SLAIN2: variants seen among roughly 807,000 people sequenced by gnomAD.
SLAIN2 encodes the protein SLAIN motif-containing protein 2.
A neutral mutation model predicts 56.6 loss-of-function variants in SLAIN2; 31 were observed. The observed-to-expected ratio is 0.55, with a 90% CI of 0.41 to 0.74. SLAIN2 has a LOEUF of 0.74. Ranked by LOEUF, SLAIN2 falls within the 30% of genes least tolerant of loss-of-function variation. SLAIN2 has a pLI of 0.00. For synonymous variants in SLAIN2, 317 were observed against 284.9 expected (o/e 1.11, Z -1.13); for missense variants, 777 against 754.2 (o/e 1.03, Z -0.35).
At position 48,362,423 on chromosome 4, in the gene SLAIN2, C is replaced by CTT. The variant is rs557166143; in HGVS notation, c.390-7413_390-7412dup. The stretch of plus-strand genomic sequence containing the variant: ...TGTCTCTGTCTCCCTTTCTCTCTCT[C>CTT]TTTTTTTTTTTTTTGGACAGAGTCT... On this transcript the variant is annotated intron_variant, in intron 1 of 7. Transcript: ENST00000264313. Among the ~76,000 whole-genome samples the CTT allele has an allele frequency of 5.5e-3, 772 of 140,942 alleles. 14 individuals are homozygous for CTT. Among genetic ancestry groups the CTT allele is most frequent in the African/African-American group, 0.019 (715 of 38,232 alleles). 92.5% of individuals were successfully genotyped at this position (140,942 alleles called of 152,430 possible).
Position 48,341,583 on chromosome 4 carries a change from A to C in SLAIN2, c.-157A>C, listed in dbSNP as rs1714698819. On this transcript the variant is annotated 5_prime_UTR_variant, in exon 1 of 8. Transcript: ENST00000264313. ...TCGGCTGGGGCCAGCGGCGCTTTGG[A>C]ACCCGAGGTGGGGGGACCCTGGCGG... The C allele has an allele frequency of 1.7e-6, 2 of 1,196,336 alleles. No individual in the cohort carries two copies. The highest frequency in any genetic ancestry group is 2.2e-6 in the Non-Finnish European group (2 of 910,878). The allele number at this position is 1,196,336 out of a possible 1,614,324, so 74.1% of individuals were successfully genotyped here.
intron 5 of SLAIN2, 29 bp from the exon 6 acceptor site, chr4:48,383,618 A>T: frequency 6.8e-7 from 1 of 1,476,394 alleles, no homozygotes; most frequent in Non-Finnish European, 9.1e-7. Flanking sequence ...AAAGAATATG[A>T]TTTTTTTAAA....
intron 6 of SLAIN2, among the ~76,000 whole-genome samples, chr4:48,405,020 G>A (rs1314540519): frequency 5.9e-5 from 9 of 152,152 alleles, no homozygotes; most frequent in Admixed American, 5.9e-4. Context: ...GACTTTACTT[G>A]TTCTTTCATA....
At chr4:48,383,945 A>C in intron 6 of SLAIN2, 161 bp downstream of exon 6, 1 of 681,592 alleles carries the variant, frequency 1.5e-6, no homozygotes, top group South Asian at 2.7e-5. Context: ...ATGATAATCA[A>C]AGTTATATTA....
At chr4:48,371,084 GTTTTTGT>G (rs554782492) in intron 2 of SLAIN2, among the ~76,000 whole-genome samples, 323 of 150,108 alleles carry the variant, frequency 2.2e-3, no homozygotes, top group Non-Finnish European at 3.6e-3. Flanking sequence ...AAGCCCTTTT[GTTTTTGT>G]TTTTTGTTTT....
intron 1 of SLAIN2, among the ~76,000 whole-genome samples, chr4:48,366,748 C>G (rs404348): frequency 0.47 from 71,546 of 152,024 alleles, 17,907 homozygotes; most frequent in African/African-American, 0.64. Flanking sequence ...TGTTTTGCCA[C>G]GTTGGAGGCT....
intron 1 of SLAIN2, among the ~76,000 whole-genome samples, chr4:48,369,427 A>G (rs1208238967): frequency 6.6e-6 from 1 of 152,210 alleles, no homozygotes; most frequent in Non-Finnish European, 1.5e-5. Flanking sequence ...ACTAAAAGGA[A>G]TGAATCACTA....
chr4:48,412,770 G>A (rs922557754), intron 6 of SLAIN2, among the ~76,000 whole-genome samples: 3 of 152,088 alleles, frequency 2.0e-5, no homozygotes, highest in Non-Finnish European at 4.4e-5. Context: ...AGTCGTGTAC[G>A]TTAATGGAAG....
chr4:48,390,078 CTTTTTCTTTTTTT>C lies in SLAIN2; in HGVS notation c.1360+6300_1360+6312del, dbSNP rs1461926934. On this transcript the variant is annotated intron_variant, in intron 6 of 7. Transcript: ENST00000264313. ...TGGATGAATTTTGTTTTCTTTTTTT[CTTTTTCTTTTTTT>C]TTTTTTTCCTGAGACTCTGTCTCCC... is the stretch of plus-strand genomic sequence containing the variant. 1.3e-4 allele frequency among the ~76,000 whole-genome samples: 17 copies of C among 131,290 alleles called. 1 individual carries two copies. In the South Asian group the frequency reaches 3.7e-3, roughly 28 times the overall value. 86.1% of individuals were successfully genotyped at this position (131,290 alleles called of 152,430 possible). A position where few individuals can be genotyped will look rare whatever the true frequency, so the allele number is the denominator to read the frequency against.
intron 3 of SLAIN2, 150 bp from the exon 4 acceptor site, chr4:48,379,540 C>A: frequency 1.6e-6 from 1 of 614,554 alleles, no homozygotes; most frequent in Non-Finnish European, 2.4e-6. Context: ...TTAATGAGGT[C>A]AATTTCTAAT....
In SLAIN2 at chr4:48,422,499, A is replaced by T. The variant is rs1439670776; in HGVS notation, c.*422A>T. On this transcript the variant is annotated 3_prime_UTR_variant, in exon 8 of 8. Transcript: ENST00000264313. ...ATTCAACCTAATTTACTGTATAAATAGTATCAATAAATATTTGTGTTAATG... is the reference window on the plus strand; with the variant it reads ...ATTCAACCTAATTTACTGTATAAATTGTATCAATAAATATTTGTGTTAATG... The T allele has an allele frequency of 6.2e-6, 1 of 160,538 alleles. No homozygotes were observed. The highest frequency in any genetic ancestry group is 1.4e-5 in the Non-Finnish European group (1 of 73,096). The allele number at this position is 160,538 out of a possible 1,614,324, so 9.9% of individuals were successfully genotyped here.
At chr4:48,408,173 A>G (rs1302213590) in intron 6 of SLAIN2, among the ~76,000 whole-genome samples, 1 of 152,040 alleles carries the variant, frequency 6.6e-6, no homozygotes, top group East Asian at 1.9e-4. Context: ...TACATCAGAA[A>G]AAATAAAATA....
intron 2 of SLAIN2, among the ~76,000 whole-genome samples, chr4:48,377,018 G>T (rs1458144368): frequency 6.7e-6 from 1 of 148,932 alleles, no homozygotes; most frequent in Admixed American, 6.7e-5. Flanking sequence ...TTGAAAAGGC[G>T]ATTTAAACAA....
Position 48,383,678 on chromosome 4 carries a change from C to A in SLAIN2, c.1254C>A (p.Ser418=). The part of the protein sequence containing the change: ...EKLRRSLPNL[S]RTSNTQVDSV... ...TAAGACGCAGTCTTCCAAACCTGTC[C>A]CGAACATCTAATACACAAGTTGACT... is the stretch of plus-strand genomic sequence containing the variant. Residue 418 remains serine (S), a synonymous_variant, in exon 6 of 8, where the codon TCC becomes TCA. Coordinates refer to ENST00000264313, the MANE Select transcript of SLAIN2 (RefSeq NM_020846.2). 1 of 1,603,856 alleles carries A rather than the reference C, an allele frequency of 6.2e-7. No individual in the cohort carries two copies. Among genetic ancestry groups the A allele is most frequent in the South Asian group, 1.1e-5 (1 of 89,376 alleles).
intron 1 of SLAIN2, among the ~76,000 whole-genome samples, 187 bp downstream of exon 1, chr4:48,342,315 A>G (rs1477244789): frequency 2.0e-5 from 3 of 152,250 alleles, no homozygotes; most frequent in African/African-American, 7.2e-5. Flanking sequence ...GGCGTGCGCA[A>G]GTAACAGGGT....
intron 1 of SLAIN2, among the ~76,000 whole-genome samples, chr4:48,359,192 T>C (rs1209766326): frequency 6.6e-6 from 1 of 152,178 alleles, no homozygotes; most frequent in African/African-American, 2.4e-5. Flanking sequence ...TATTTGAACA[T>C]GTATAAGTGT....
intron 2 of SLAIN2, among the ~76,000 whole-genome samples, chr4:48,372,750 T>G (rs1408528399): frequency 1.3e-5 from 2 of 152,220 alleles, no homozygotes; most frequent in African/African-American, 4.8e-5. Context: ...ATTTTATAGC[T>G]GTATTCATAG....
At chr4:48,417,786 G>A (rs936777374) in intron 6 of SLAIN2, among the ~76,000 whole-genome samples, 12 of 150,138 alleles carry the variant, frequency 8.0e-5, no homozygotes, top group Non-Finnish European at 1.5e-4. Flanking sequence ...AAAAGCCTTT[G>A]ACAAAATTCA....
intron 2 of SLAIN2, among the ~76,000 whole-genome samples, chr4:48,370,495 G>A (rs1203255037): frequency 6.6e-6 from 1 of 152,242 alleles, no homozygotes; most frequent in South Asian, 2.1e-4. Flanking sequence ...TCAGGGTTAA[G>A]TGTTATGTGA....
Sources: gnomAD v4.1 joint callset for allele counts (sites outside exome capture counted in the v4.1 genomes callset) on GRCh38, gnomAD v4.1.1 for gene constraint, MANE v1.5 for transcripts, NCBI Gene and HGNC (gene_info 2026-07-23, HGNC 2026-07-21) for gene names.